GRIK2: variants seen among roughly 807,000 people sequenced by gnomAD.
GRIK2 encodes the protein glutamate receptor ionotropic, kainate 2.
Under a neutral mutation model 100.3 loss-of-function variants are expected in GRIK2, and 32 were observed. The observed-to-expected ratio is 0.32, with a 90% CI of 0.24 to 0.43. GRIK2 has a LOEUF of 0.43. Ranked by LOEUF, GRIK2 falls within the 20% of genes least tolerant of loss-of-function variation. The pLI is 1.00. For missense variants in GRIK2, 843 were observed against 1,114.9 expected (o/e 0.76, Z 3.47); for synonymous variants, 417 against 389.4 (o/e 1.07, Z -0.83).
chr6:101,868,355 A>C (rs1380208902), intron 11 of GRIK2, among the ~76,000 whole-genome samples: 4 of 151,816 alleles, frequency 2.6e-5, no homozygotes, highest in Non-Finnish European at 5.9e-5. Flanking sequence ...TTCTGTGAGG[A>C]AGCATGTCCA....
At chr6:101,402,914 G>T (rs911224807) in intron 2 of GRIK2, among the ~76,000 whole-genome samples, 11 of 152,310 alleles carry the variant, frequency 7.2e-5, no homozygotes, top group Admixed American at 5.2e-4. Context: ...CCGTCCGCGG[G>T]GGTGTGACCA....
intron 2 of GRIK2, among the ~76,000 whole-genome samples, chr6:101,507,733 C>A (rs1300304444): frequency 6.6e-6 from 1 of 151,984 alleles, no homozygotes; most frequent in African/African-American, 2.4e-5. Flanking sequence ...TAGCAATATA[C>A]AAATAGGTTG....
intron 12 of GRIK2, among the ~76,000 whole-genome samples, chr6:101,903,004 C>T (rs1490899351): frequency 2.0e-5 from 3 of 151,816 alleles, no homozygotes; most frequent in Admixed American, 2.0e-4. Flanking sequence ...CTACCTGCTA[C>T]ATCATTCTTA....
At chr6:101,750,439 A>C (rs117281435) in intron 7 of GRIK2, among the ~76,000 whole-genome samples, 1 of 152,116 alleles carries the variant, frequency 6.6e-6, no homozygotes, top group African/African-American at 2.4e-5. Flanking sequence ...AAACCATTCA[A>C]TCATACTCAT....
chr6:101,936,969 A>G (rs1790656625), intron 14 of GRIK2, among the ~76,000 whole-genome samples: 1 of 152,136 alleles, frequency 6.6e-6, no homozygotes, highest in African/African-American at 2.4e-5. Context: ...TTTAGGAATT[A>G]TAAGAAGTGA....
intron 14 of GRIK2, among the ~76,000 whole-genome samples, chr6:101,929,009 C>T (rs1276654288): frequency 2.0e-5 from 3 of 152,072 alleles, no homozygotes; most frequent in African/African-American, 4.8e-5. Flanking sequence ...AATAATTACT[C>T]GGAAAAATGT....
intron 14 of GRIK2, among the ~76,000 whole-genome samples, chr6:102,020,596 C>A (rs1000431310): frequency 7.2e-5 from 11 of 151,802 alleles, no homozygotes; most frequent in African/African-American, 2.7e-4. Flanking sequence ...ATGGGAGCTT[C>A]TTGCTAAACT....
chr6:101,418,087 A>G (rs539637367), intron 2 of GRIK2, among the ~76,000 whole-genome samples: 10 of 152,186 alleles, frequency 6.6e-5, no homozygotes, highest in Admixed American at 5.9e-4. Flanking sequence ...GCTTTTATCC[A>G]CAGATCTGAG....
At chr6:101,778,701 T>C (rs1399162767) in intron 7 of GRIK2, among the ~76,000 whole-genome samples, 3 of 152,204 alleles carry the variant, frequency 2.0e-5, no homozygotes, top group Admixed American at 6.5e-5. Flanking sequence ...AAATTTGATA[T>C]ACTAACGTTC....
At chr6:102,013,326 C>A (rs1795648871) in intron 14 of GRIK2, among the ~76,000 whole-genome samples, 1 of 152,060 alleles carries the variant, frequency 6.6e-6, no homozygotes, top group Non-Finnish European at 1.5e-5. Context: ...ACTTATTGAG[C>A]TTTTGGGCTG....
At position 101,518,105 on chromosome 6, in the gene GRIK2, T is replaced by G. The variant is rs117282000; in HGVS notation, c.116-103844T>G. Among the ~76,000 whole-genome samples, 1,313 of 152,218 alleles carry G rather than the reference T, an allele frequency of 8.6e-3. 16 individuals are homozygous for G. Among genetic ancestry groups the G allele is most frequent in the Middle Eastern group, 0.017 (5 of 294 alleles). On this transcript the variant is annotated intron_variant, in intron 2 of 16. Coordinates refer to ENST00000369134, the MANE Select transcript of GRIK2 (RefSeq NM_021956.5). ...ATTATGAATGTTTTGAGACCCCAAG[T>G]GTTTTTGAGTTATTAAAATTGTAAG...
chr6:101,947,598 CT>C (rs1791360387), intron 14 of GRIK2, among the ~76,000 whole-genome samples: 1 of 152,034 alleles, frequency 6.6e-6, no homozygotes, highest in Admixed American at 6.6e-5. Flanking sequence ...AAGAGAAACA[CT>C]TGCTTATTTA....
chr6:102,064,429 T>C (rs1055868964), intron 16 of GRIK2, among the ~76,000 whole-genome samples: 1 of 147,848 alleles, frequency 6.8e-6, no homozygotes, highest in South Asian at 2.1e-4. Context: ...TTTCTTTCTC[T>C]CTTTCTCTGT....
intron 10 of GRIK2, among the ~76,000 whole-genome samples, chr6:101,848,062 C>T (rs1437913512): frequency 3.3e-5 from 5 of 152,060 alleles, no homozygotes; most frequent in Non-Finnish European, 4.4e-5. Flanking sequence ...GGTTAAAATA[C>T]GTAACAATTC....
intron 10 of GRIK2, among the ~76,000 whole-genome samples, chr6:101,856,810 T>C (rs1784448190): frequency 6.6e-6 from 1 of 152,092 alleles, no homozygotes; most frequent in Admixed American, 6.5e-5. Flanking sequence ...GTTTTGACCA[T>C]GCGGAAGAGA....
At chr6:101,790,391 A>G (rs1489192593) in intron 7 of GRIK2, among the ~76,000 whole-genome samples, 1 of 152,108 alleles carries the variant, frequency 6.6e-6, no homozygotes, top group African/African-American at 2.4e-5. Context: ...ATCAATTCCT[A>G]ATTTATTGAG....
chr6:101,615,521 A>G (rs1487838017), intron 2 of GRIK2, among the ~76,000 whole-genome samples: 1 of 151,830 alleles, frequency 6.6e-6, no homozygotes, highest in African/African-American at 2.4e-5. Context: ...TTAAGATCAT[A>G]TAGGTCTTAT....
chr6:101,961,522 CT>C (rs1370336730), intron 14 of GRIK2, among the ~76,000 whole-genome samples: 3 of 152,174 alleles, frequency 2.0e-5, no homozygotes, highest in African/African-American at 2.4e-5. Flanking sequence ...AGAAGTCCCC[CT>C]ATCCATCTTT....
chr6:102,004,807 T>C (rs1247806103), intron 14 of GRIK2, among the ~76,000 whole-genome samples: 1 of 151,966 alleles, frequency 6.6e-6, no homozygotes, highest in African/African-American at 2.4e-5. Context: ...GAATAGCTTT[T>C]CACATTATAT....
Sources: allele counts gnomAD v4.1 joint callset (sites outside exome capture counted in the v4.1 genomes callset), GRCh38; gene constraint gnomAD v4.1.1; transcripts MANE v1.5; gene names NCBI Gene and HGNC (gene_info 2026-07-23, HGNC 2026-07-21).